The following YAP1 variants were observed in gnomAD, a reference collection of about 807,000 sequenced individuals.
YAP1 encodes the protein Yes1 associated transcriptional regulator, also known as transcriptional coactivator YAP1.
YAP1 carries 5 observed loss-of-function variants against 56.9 expected under a neutral mutation model. The ratio of observed to expected loss-of-function variants is 0.09; its 90% CI spans 0.05 to 0.18. YAP1 has a LOEUF of 0.18. YAP1 is among the 10% of genes least tolerant of loss of function. The pLI is 1.00. For synonymous variants in YAP1, 265 were observed against 248.1 expected (o/e 1.07, Z -0.64); for missense variants, 539 against 651.8 (o/e 0.83, Z 1.88).
intron 1 of YAP1, chr11:102,112,425 C>CTTTTTTTTTTTTTTTTT (rs751339753): frequency 1.1e-4 from 77 of 704,102 alleles, no homozygotes; most frequent in East Asian, 3.1e-4. Flanking sequence ...ATTTCTTCTT[C>CTTTTTTTTTTTTTTTTT]TTTTTTTTTT....
In YAP1 at chr11:102,177,840, T is replaced by C. The variant is rs188576418; in HGVS notation, c.689-8178T>C. Among the ~76,000 whole-genome samples, 614 of 152,202 alleles carry C rather than the reference T, an allele frequency of 4.0e-3. 5 individuals are homozygous for C. Among genetic ancestry groups the C allele is most frequent in the Middle Eastern group, 3.4e-3 (1 of 294 alleles). ...GACCCTGTGAGAGGCATTAAAGATA[T>C]GGGAGTCATTTATGTGAATATGGCA... On this transcript the variant is annotated intron_variant, in intron 3 of 8. Coordinates refer to ENST00000282441, the MANE Select transcript of YAP1 (RefSeq NM_001130145.3).
At chr11:102,193,806 A>G (rs1948426651) in intron 4 of YAP1, among the ~76,000 whole-genome samples, 1 of 151,514 alleles carries the variant, frequency 6.6e-6, no homozygotes, top group African/African-American at 2.4e-5. Flanking sequence ...AAAAGACCTT[A>G]CATAGTTTTT....
chr11:102,169,830 C>T (rs184692079), intron 3 of YAP1, among the ~76,000 whole-genome samples: 71 of 151,990 alleles, frequency 4.7e-4, no homozygotes, highest in African/African-American at 1.7e-3. Flanking sequence ...TGATTAAGTT[C>T]CTGAAAAATG....
chr11:102,143,132 G>T (rs1945113979), intron 2 of YAP1, among the ~76,000 whole-genome samples: 1 of 151,914 alleles, frequency 6.6e-6, no homozygotes, highest in African/African-American at 2.4e-5. Context: ...CCATTAAAAG[G>T]TTTTTTTTGT....
rs1477022698 is a variant in YAP1, at chr11:102,162,499, A to G, written c.616A>G (p.Met206Val). Residue 206 changes from methionine (M) to valine (V), a missense_variant, in exon 3 of 9, where the codon ATG becomes GTG. Met to Val is a conservative substitution (Grantham distance 21). Coordinates refer to ENST00000282441, the MANE Select transcript of YAP1 (RefSeq NM_001130145.3). ...AACATGGCAGGACCCCAGGAAGGCC[A>G]TGCTGTCCCAGATGAACGTCACAGC... ...TTTWQDPRKA[M>V]LSQMNVTAPT... is the part of the protein sequence containing the mutation. The G allele has an allele frequency of 3.7e-6, 6 of 1,614,244 alleles. No individual in the cohort carries two copies. Among genetic ancestry groups the G allele is most frequent in the Non-Finnish European group, 5.1e-6 (6 of 1,180,052 alleles).
At chr11:102,189,995 A>G (rs7118482) in intron 4 of YAP1, among the ~76,000 whole-genome samples, 7,119 of 152,326 alleles carry the variant, frequency 0.047, 203 homozygotes, top group Non-Finnish European at 0.062. Flanking sequence ...AACCAACTAA[A>G]TAACTAAGAA....
At chr11:102,199,630 A>G (rs10501995) in intron 4 of YAP1, among the ~76,000 whole-genome samples, 12,794 of 152,226 alleles carry the variant, frequency 0.084, 619 homozygotes, top group South Asian at 0.2. Context: ...CAGACAAAAT[A>G]TTAAAACAAG....
chr11:102,223,554 T>G, intron 6 of YAP1, 68 bp from the exon 7 acceptor site: 6 of 1,541,008 alleles, frequency 3.9e-6, no homozygotes, highest in Non-Finnish European at 5.3e-6. Context: ...GAACGTTTTA[T>G]TTCTTTAAAC....
Position 102,227,498 on chromosome 11 carries a change from C to T in YAP1, c.1193C>T (p.Thr398Ile). Residue 398 changes from threonine to isoleucine, a missense_variant, in exon 8 of 9, where the codon ACA (threonine) becomes ATA (isoleucine). Coordinates refer to ENST00000282441, the MANE Select transcript of YAP1 (RefSeq NM_001130145.3). ...SGTYHSRDESTDSGLSMSSYS... is the reference protein window; with the variant it reads ...SGTYHSRDESIDSGLSMSSYS... The stretch of plus-strand genomic sequence containing the variant: ...ACCTATCACTCTCGAGATGAGAGTA[C>T]AGACAGTGGACTAAGCATGAGCAGC... The T allele has an allele frequency of 6.2e-7, 1 of 1,613,824 alleles. No individual in the cohort carries two copies. Among genetic ancestry groups the T allele is most frequent in the African/African-American group, 1.3e-5 (1 of 75,036 alleles).
chr11:102,129,761 A>G (rs1944262020), intron 2 of YAP1, among the ~76,000 whole-genome samples: 2 of 150,662 alleles, frequency 1.3e-5, no homozygotes, highest in African/African-American at 4.9e-5. Flanking sequence ...AAGTGATTAC[A>G]TAGGAAAATC....
intron 2 of YAP1, among the ~76,000 whole-genome samples, chr11:102,156,725 T>C (rs956482625): frequency 1.3e-5 from 2 of 152,210 alleles, no homozygotes; most frequent in Admixed American, 1.3e-4. Flanking sequence ...TGTTCAATTT[T>C]GCTGAACGTA....
intron 4 of YAP1, among the ~76,000 whole-genome samples, chr11:102,194,604 G>T (rs1948478417): frequency 6.6e-6 from 1 of 152,220 alleles, no homozygotes; most frequent in African/African-American, 2.4e-5. Flanking sequence ...AATGTATTAA[G>T]TATGGTAAAA....
At chr11:102,189,746 A>G (rs1285900400) in intron 4 of YAP1, among the ~76,000 whole-genome samples, 1 of 152,194 alleles carries the variant, frequency 6.6e-6, no homozygotes, top group African/African-American at 2.4e-5. Flanking sequence ...GTGTTACTAT[A>G]ATGTCTTGAA....
Position 102,223,646 on chromosome 11 carries a change from C to G in YAP1, c.1057C>G (p.Pro353Ala), listed in dbSNP as rs759415257. Reference sequence around the variant, plus strand: ...GGAGTTAGCCCTGCGTAGCCAGTTACCAACACTGGAGCAGGATGGTGGGAC... The same window carrying G: ...GGAGTTAGCCCTGCGTAGCCAGTTAGCAACACTGGAGCAGGATGGTGGGAC... ...CQELALRSQL[P>A]TLEQDGGTQN... The change falls in exon 7 of 9, where the codon CCA becomes GCA. Residue 353 changes from proline (P) to alanine (A), a missense_variant. Around this residue, in one of 4 missense-constraint regions of YAP1, gnomAD observed 414 missense variants for 512.4 expected, o/e 0.81. Coordinates refer to ENST00000282441, the MANE Select transcript of YAP1 (RefSeq NM_001130145.3). 1 of 1,614,114 alleles carries G rather than the reference C, an allele frequency of 6.2e-7. No individual in the cohort carries two copies. Among genetic ancestry groups the G allele is most frequent in the Non-Finnish European group, 8.5e-7 (1 of 1,179,996 alleles).
chr11:102,172,646 C>G (rs1248147616), intron 3 of YAP1, among the ~76,000 whole-genome samples: 1 of 151,964 alleles, frequency 6.6e-6, no homozygotes, highest in African/African-American at 2.4e-5. Flanking sequence ...TGAATACAAA[C>G]TATGTGCCAG....
chr11:102,207,861 G>T (rs968824004), intron 5 of YAP1, among the ~76,000 whole-genome samples: 7 of 152,182 alleles, frequency 4.6e-5, no homozygotes. Context: ...TCAGGAACTT[G>T]TTGGGGCTCA....
In YAP1 at chr11:102,227,472, C is replaced by T. The variant is rs1950249510; in HGVS notation, c.1167C>T (p.Gly389=). The stretch of plus-strand genomic sequence containing the variant: ...TTTAACTGTCATGTTTATGTAGTGG[C>T]ACCTATCACTCTCGAGATGAGAGTA... ...TNSSDPFLNS[G]TYHSRDESTD... The change falls in exon 8 of 9, where the codon GGC becomes GGT. Residue 389 remains glycine (G), a synonymous_variant. Transcript: ENST00000282441. 4 of 1,611,626 alleles carry T rather than the reference C, an allele frequency of 2.5e-6. No individual in the cohort carries two copies. In the South Asian group the frequency reaches 4.4e-5, roughly 18 times the overall value.
intron 6 of YAP1, among the ~76,000 whole-genome samples, chr11:102,217,711 A>G (rs1490504135): frequency 6.6e-6 from 1 of 151,520 alleles, no homozygotes; most frequent in East Asian, 1.9e-4. Flanking sequence ...TTTTTTTGAG[A>G]TGGAGGTTCG....
chr11:102,148,430 A>G (rs1438580235), intron 2 of YAP1, among the ~76,000 whole-genome samples: 1 of 152,192 alleles, frequency 6.6e-6, no homozygotes, highest in Admixed American at 6.5e-5. Context: ...TGAAAAAAAC[A>G]AGAGCTATGA....
Sources: allele counts gnomAD v4.1 joint callset (sites outside exome capture counted in the v4.1 genomes callset), GRCh38; gene constraint gnomAD v4.1.1; regional missense constraint gnomAD v4.1.1; transcripts MANE v1.5; gene names NCBI Gene and HGNC (gene_info 2026-07-23, HGNC 2026-07-21).